ZNF407: variants seen among roughly 807,000 people sequenced by gnomAD.
ZNF407 encodes zinc finger protein 407.
In ZNF407, 17 loss-of-function variants were observed where a neutral mutation model predicts 131.2. The observed-to-expected ratio is 0.13, with a 90% CI of 0.09 to 0.19. The LOEUF is 0.19. Among genes scored for constraint, ZNF407 ranks in the 10% least tolerant of loss-of-function variants. The pLI, the probability that ZNF407 is intolerant of heterozygous loss-of-function variation, is 1.00. For missense variants in ZNF407, 2,681 were observed against 2,830.6 expected, an observed-to-expected ratio of 0.95 and a Z score of 1.20; for synonymous variants, 1,156 against 1,062.0, an observed-to-expected ratio of 1.09 and a Z score of -1.72.
chr18:74,648,683 A>G (rs936871459), intron 3 of ZNF407, among the ~76,000 whole-genome samples: 11 of 152,240 alleles, frequency 7.2e-5, no homozygotes, highest in Admixed American at 1.3e-4. Context: ...ACTGATCCAT[A>G]TAACTTAATG....
At chr18:74,959,193 C>T (rs193171451) in intron 8 of ZNF407, among the ~76,000 whole-genome samples, 1 of 152,294 alleles carries the variant, frequency 6.6e-6, no homozygotes, top group East Asian at 1.9e-4. Flanking sequence ...TTACCTTGTC[C>T]TCCAGATAGA....
chr18:74,844,421 G>A (rs1970675563), intron 4 of ZNF407, among the ~76,000 whole-genome samples: 1 of 152,142 alleles, frequency 6.6e-6, no homozygotes, highest in Admixed American at 6.5e-5. Context: ...TCCTTTGCGT[G>A]CCTGTGTTCA....
chr18:74,617,487 C>A (rs1038744393), intron 1 of ZNF407, among the ~76,000 whole-genome samples: 319 of 152,318 alleles, frequency 2.1e-3, no homozygotes, highest in Non-Finnish European at 3.8e-3. Context: ...TCTTTATATA[C>A]TTTTATAAAG....
chr18:74,635,751 A>G lies in ZNF407; in HGVS notation c.4687+45A>G. 6.6e-7 allele frequency: 1 copy of G among 1,525,722 alleles called. No homozygotes were observed. Among genetic ancestry groups the G allele is most frequent in the Non-Finnish European group, 8.8e-7 (1 of 1,139,038 alleles). The allele number at this position is 1,525,722 out of a possible 1,614,324, so 94.5% of individuals were successfully genotyped here. A position where few individuals can be genotyped will look rare whatever the true frequency, so the allele number is the denominator to read the frequency against. ...GCCAAGTCAGTGAGGACATGGGGCCATTTGTTCCCATCCAGATATGCAGCC... is the reference window on the plus strand; with the variant it reads ...GCCAAGTCAGTGAGGACATGGGGCCGTTTGTTCCCATCCAGATATGCAGCC... On this transcript the variant is annotated intron_variant, in intron 2 of 8. Transcript: ENST00000299687. This position sits in a 1 kb window ranked among gnomAD's most constrained non-coding sequence, Gnocchi z 4.7.
chr18:74,997,463 C>T (rs528467832), intron 8 of ZNF407, among the ~76,000 whole-genome samples: 1 of 151,946 alleles, frequency 6.6e-6, no homozygotes, highest in African/African-American at 2.4e-5. Flanking sequence ...AAAATACAGC[C>T]TCTTGAAAAA....
intron 4 of ZNF407, among the ~76,000 whole-genome samples, chr18:74,827,873 A>G (rs1335211468): frequency 6.6e-6 from 1 of 152,232 alleles, no homozygotes; most frequent in African/African-American, 2.4e-5. Flanking sequence ...CCGACCTCAC[A>G]GGGTTAATTT....
intron 3 of ZNF407, among the ~76,000 whole-genome samples, chr18:74,760,527 C>A (rs768849893): frequency 7.9e-5 from 12 of 152,166 alleles, no homozygotes; most frequent in Non-Finnish European, 1.3e-4. Context: ...TATGCTCAGA[C>A]AGCTATGGTG....
intron 8 of ZNF407, among the ~76,000 whole-genome samples, chr18:74,976,661 A>G (rs1165737051): frequency 6.6e-6 from 1 of 152,216 alleles, no homozygotes; most frequent in East Asian, 1.9e-4. Context: ...CGAGTATGAA[A>G]TCTGACATTC....
chr18:74,967,196 G>A (rs991753710), intron 8 of ZNF407, among the ~76,000 whole-genome samples: 1 of 152,132 alleles, frequency 6.6e-6, no homozygotes, highest in African/African-American at 2.4e-5. Context: ...TGAGGCTGCA[G>A]TAATTGTGCT....
intron 1 of ZNF407, among the ~76,000 whole-genome samples, chr18:74,617,115 A>ACATCCATTT (rs1983343125): frequency 1.7e-3 from 29 of 17,526 alleles, no homozygotes; most frequent in Admixed American, 2.3e-3. Context: ...ATATCCACAC[A>ACATCCATTT]CCACACACAT....
chr18:74,601,311 GTGTGTGTGTGTGTATGTC>G (rs939004000), intron 1 of ZNF407, among the ~76,000 whole-genome samples: 6 of 135,798 alleles, frequency 4.4e-5, no homozygotes, highest in Non-Finnish European at 9.3e-5. Context: ...TTAGTTGTGT[GTGTGTGTGTGTGTATGTC>G]TGTGTGTGTG....
intron 8 of ZNF407, among the ~76,000 whole-genome samples, chr18:74,965,350 C>A (rs1388715801): frequency 6.6e-6 from 1 of 152,004 alleles, no homozygotes; most frequent in Non-Finnish European, 1.5e-5. Context: ...TCAACTGTCT[C>A]CATGAGTTCA....
Position 74,631,129 on chromosome 18 carries a change from C to G in ZNF407, c.110C>G (p.Ser37Cys), listed in dbSNP as rs1176394662. Residue 37 changes from serine to cysteine, a missense_variant, in exon 2 of 9, where the codon TCT (serine) becomes TGT (cysteine). This residue lies in a region of ZNF407 where 1,789 missense variants were observed against 1,748.7 expected (regional missense o/e 1.02). Transcript: ENST00000299687. ...CATAATGAAGACGGTGGGCCTGTAT[C>G]TGATGTGATAGCAAGTTTCCCTGAG... The part of the protein sequence containing the change: ...SSHNEDGGPV[S>C]DVIASFPENS... The G allele has an allele frequency of 1.2e-6, 2 of 1,613,796 alleles. No individual in the cohort carries two copies. The highest frequency in any genetic ancestry group is 1.7e-6 in the Non-Finnish European group (2 of 1,179,900).
intron 3 of ZNF407, among the ~76,000 whole-genome samples, chr18:74,731,740 T>TAACA (rs1968298857): frequency 6.6e-6 from 1 of 151,700 alleles, no homozygotes; most frequent in Non-Finnish European, 1.5e-5. Flanking sequence ...CATAGAGGAG[T>TAACA]GAGTGTCAAA....
intron 1 of ZNF407, among the ~76,000 whole-genome samples, chr18:74,630,319 T>C (rs1347853052): frequency 2.6e-5 from 4 of 151,982 alleles, no homozygotes; most frequent in South Asian, 2.1e-4. Flanking sequence ...TACAGGCGCC[T>C]GCCACCATAC....
At chr18:74,716,243 C>T (rs138689126) in intron 3 of ZNF407, among the ~76,000 whole-genome samples, 27 of 152,302 alleles carry the variant, frequency 1.8e-4, no homozygotes, top group African/African-American at 6.5e-4. Context: ...CATATTGTTT[C>T]AGTTGCTCTC....
chr18:74,696,630 G>T (rs1312187287), intron 3 of ZNF407, among the ~76,000 whole-genome samples: 1 of 152,216 alleles, frequency 6.6e-6, no homozygotes, highest in Non-Finnish European at 1.5e-5. Context: ...GTGTGTGTGT[G>T]TGTGTTTGTG....
In ZNF407 at chr18:74,898,063, G is replaced by GA. The variant is rs560710430; in HGVS notation, c.5249+8031dup. The GA allele has an allele frequency of 1.5e-3, 232 of 152,286 alleles. 3 individuals carry two copies. Among genetic ancestry groups the GA allele is most frequent in the African/African-American group, 4.8e-3 (198 of 41,554 alleles). The allele number at this position is 152,286 out of a possible 1,614,324, so 9.4% of individuals were successfully genotyped here. A position where few individuals can be genotyped will look rare whatever the true frequency, so the allele number is the denominator to read the frequency against. On this transcript the variant is annotated intron_variant, in intron 7 of 8. Coordinates refer to ENST00000299687, the MANE Select transcript of ZNF407 (RefSeq NM_017757.3). The stretch of plus-strand genomic sequence containing the variant: ...AAATATTGCCTGTCTGGAGCCTGTA[G>GA]AAAAAATGTGAAAGACAGAAAGACA...
At chr18:74,882,734 C>T (rs1971255320) in intron 6 of ZNF407, among the ~76,000 whole-genome samples, 1 of 152,182 alleles carries the variant, frequency 6.6e-6, no homozygotes, top group East Asian at 1.9e-4. Flanking sequence ...ATTTTAACCA[C>T]TGGCTTCAGG....
Sources: gnomAD v4.1 joint callset for allele counts (sites outside exome capture counted in the v4.1 genomes callset) on GRCh38, gnomAD v4.1.1 for gene constraint, gnomAD v4.1.1 regional missense constraint, Gnocchi (gnomAD v3.1) non-coding constraint, MANE v1.5 for transcripts, NCBI Gene and HGNC (gene_info 2026-07-23, HGNC 2026-07-21) for gene names.